PLXNA4: variants seen among roughly 807,000 people sequenced by gnomAD.
PLXNA4 encodes plexin A4.
PLXNA4 carries 44 observed loss-of-function variants against 191.8 expected under a neutral mutation model. That is an observed-to-expected ratio of 0.23 (90% confidence interval 0.18 to 0.29). PLXNA4 has a LOEUF of 0.29. PLXNA4 is among the 10% of genes least tolerant of loss of function. The pLI, the probability that PLXNA4 is intolerant of heterozygous loss-of-function variation, is 1.00. For synonymous variants in PLXNA4, 1,082 were observed against 1,009.5 expected, an observed-to-expected ratio of 1.07 and a Z score of -1.36; for missense variants, 1,800 against 2,488.8, an observed-to-expected ratio of 0.72 and a Z score of 5.89.
chr7:132,186,055 G>T (rs1796869517), intron 15 of PLXNA4, among the ~76,000 whole-genome samples: 1 of 152,190 alleles, frequency 6.6e-6, no homozygotes, highest in Admixed American at 6.5e-5. Context: ...GGCCTGGCCA[G>T]GTCTGACTTG....
intron 3 of PLXNA4, among the ~76,000 whole-genome samples, chr7:132,395,366 T>C (rs1168065431): frequency 6.6e-6 from 1 of 152,184 alleles, no homozygotes; most frequent in Non-Finnish European, 1.5e-5. Flanking sequence ...GAATAAGCAC[T>C]TTCTTTAGAG....
chr7:132,636,275 T>C (rs955751434), intron 2 of PLXNA4, among the ~76,000 whole-genome samples: 2 of 152,064 alleles, frequency 1.3e-5, no homozygotes, highest in African/African-American at 4.8e-5. Context: ...GGCCTAGGAA[T>C]TGGGGACCAC....
chr7:132,622,185 G>T (rs544831499), intron 2 of PLXNA4, among the ~76,000 whole-genome samples: 2 of 152,198 alleles, frequency 1.3e-5, no homozygotes, highest in East Asian at 3.9e-4. Context: ...TCTTCCACTG[G>T]CTGGATATAA....
chr7:132,336,015 A>G (rs1040829901), intron 3 of PLXNA4, among the ~76,000 whole-genome samples: 2 of 152,208 alleles, frequency 1.3e-5, no homozygotes, highest in African/African-American at 2.4e-5. Flanking sequence ...CAGTCTGGGA[A>G]AGAAGTTGCC....
intron 29 of PLXNA4, 124 bp from the exon 30 acceptor site, chr7:132,140,935 A>G: frequency 6.9e-7 from 1 of 1,458,836 alleles, no homozygotes; most frequent in Non-Finnish European, 9.1e-7. Flanking sequence ...AGCCTTCTCT[A>G]TGCTGCGGAT....
chr7:132,363,379 T>C (rs956055911), intron 3 of PLXNA4, among the ~76,000 whole-genome samples: 8 of 152,164 alleles, frequency 5.3e-5, no homozygotes, highest in African/African-American at 1.9e-4. Context: ...CTACCATCAT[T>C]ATGCTTCCTA....
In PLXNA4 at chr7:132,549,285, T is replaced by G. The variant is rs1229365535; in HGVS notation, c.-87+27137A>C. Among the ~76,000 whole-genome samples, 5 of 152,198 alleles carry G rather than the reference T, an allele frequency of 3.3e-5. No individual in the cohort carries two copies. In the East Asian group the frequency reaches 9.6e-4, roughly 29 times the overall value. On this transcript the variant is annotated intron_variant, in intron 1 of 31. Transcript: ENST00000321063. Reference sequence around the variant, plus strand: ...AACTCTGTTGGGGTCTGGATCAGGATGCTTTTCTGGTAAGGCCCCTATCAT... The same window carrying G: ...AACTCTGTTGGGGTCTGGATCAGGAGGCTTTTCTGGTAAGGCCCCTATCAT...
intron 4 of PLXNA4, among the ~76,000 whole-genome samples, chr7:132,288,297 T>C (rs913932661): frequency 1.3e-5 from 2 of 152,200 alleles, no homozygotes; most frequent in African/African-American, 2.4e-5. Flanking sequence ...ACCTACTGAC[T>C]GTAGGAAACT....
intron 9 of PLXNA4, among the ~76,000 whole-genome samples, chr7:132,218,506 G>C (rs1798040582): frequency 6.6e-6 from 1 of 152,186 alleles, no homozygotes. Context: ...CAGTTTAGAT[G>C]AGAAAAAACA....
Position 132,198,492 on chromosome 7 carries a change from C to T in PLXNA4, c.2731G>A (p.Ala911Thr). The change falls in exon 13 of 32, where the codon GCA becomes ACA. Residue 911 changes from alanine to threonine, a missense_variant. Ala to Thr is a moderately conservative substitution (Grantham distance 58, BLOSUM62 0). This residue lies in a region of PLXNA4 where 1,397 missense variants were observed against 1,880.4 expected (regional missense o/e 0.74). Coordinates refer to ENST00000321063, the MANE Select transcript of PLXNA4 (RefSeq NM_020911.2). ...CSPLVDGYIP[A>T]EQIVCEMGEA... ...GCATGCAGCTTCACTTACTGTTCTG[C>T]AGGGATGTAACCATCCACTAAAGGG... 1 of 1,614,004 alleles carries T rather than the reference C, an allele frequency of 6.2e-7. No homozygotes were observed. Among genetic ancestry groups the T allele is most frequent in the Non-Finnish European group, 8.5e-7 (1 of 1,179,942 alleles).
chr7:132,509,626 A>G (rs1798628143), intron 1 of PLXNA4, among the ~76,000 whole-genome samples: 1 of 152,184 alleles, frequency 6.6e-6, no homozygotes, highest in Non-Finnish European at 1.5e-5. Context: ...CTGCTAAACC[A>G]TCTCAGTTCA....
intron 20 of PLXNA4, among the ~76,000 whole-genome samples, chr7:132,177,253 G>A (rs1796506405): frequency 6.6e-6 from 1 of 152,212 alleles, no homozygotes; most frequent in Admixed American, 6.5e-5. Context: ...GGGTGTGTGG[G>A]CCTGTGTGGG....
At chr7:132,365,367 G>GCGTGCGTGCGCGCGCA (rs1804131982) in intron 3 of PLXNA4, among the ~76,000 whole-genome samples, 4 of 151,918 alleles carry the variant, frequency 2.6e-5, no homozygotes, top group South Asian at 4.2e-4. Context: ...GTGTGCGTGC[G>GCGTGCGTGCGCGCGCA]CGCGCATGCA....
intron 3 of PLXNA4, among the ~76,000 whole-genome samples, chr7:132,393,854 G>A (rs1585075504): frequency 6.6e-6 from 1 of 152,198 alleles, no homozygotes; most frequent in Non-Finnish European, 1.5e-5. Flanking sequence ...CATGGCAGCA[G>A]AGCCCAGGCT....
chr7:132,265,242 G>A (rs1296967138), intron 4 of PLXNA4, among the ~76,000 whole-genome samples: 1 of 152,190 alleles, frequency 6.6e-6, no homozygotes, highest in Non-Finnish European at 1.5e-5. Flanking sequence ...CTGCCTGATT[G>A]TCCAGGTTTC....
chr7:132,214,591 C>T (rs1414090337), intron 9 of PLXNA4, among the ~76,000 whole-genome samples: 2 of 152,066 alleles, frequency 1.3e-5, no homozygotes, highest in Non-Finnish European at 2.9e-5. Context: ...ACCTGCCCCG[C>T]GCTGAGATTC....
intron 14 of PLXNA4, among the ~76,000 whole-genome samples, chr7:132,188,405 T>C (rs1031469278): frequency 6.6e-6 from 1 of 152,170 alleles, no homozygotes; most frequent in Non-Finnish European, 1.5e-5. Flanking sequence ...AATGAAGATT[T>C]CTCTCTCCCT....
At chr7:132,201,695 GGA>G (rs759249703) in intron 12 of PLXNA4, among the ~76,000 whole-genome samples, 8 of 152,228 alleles carry the variant, frequency 5.3e-5, no homozygotes, top group Non-Finnish European at 1.0e-4. Context: ...AGGAGCATGT[GGA>G]GAGAGAGATG....
chr7:132,422,083 C>T (rs1264757556), intron 3 of PLXNA4, among the ~76,000 whole-genome samples: 1 of 152,226 alleles, frequency 6.6e-6, no homozygotes, highest in Non-Finnish European at 1.5e-5. Context: ...CGGTTATACT[C>T]TGGGAATGAT....
Sources: allele counts gnomAD v4.1 joint callset (sites outside exome capture counted in the v4.1 genomes callset), GRCh38; gene constraint gnomAD v4.1.1; regional missense constraint gnomAD v4.1.1; transcripts MANE v1.5; gene names NCBI Gene and HGNC (gene_info 2026-07-23, HGNC 2026-07-21).